Variants in RBMS3 observed in about 807,000 individuals in gnomAD.
The protein encoded by RBMS3 is RNA binding motif single stranded interacting protein 3.
In RBMS3, 27 loss-of-function variants were observed where a neutral mutation model predicts 66.8. The ratio of observed to expected loss-of-function variants is 0.40; its 90% confidence interval spans 0.30 to 0.56. The LOEUF is 0.56. Ranked by LOEUF, RBMS3 falls within the 20% of genes least tolerant of loss-of-function variation. The probability of loss-of-function intolerance (pLI) is 0.40; values close to 1 mark genes in which losing one functional copy is unlikely to be tolerated. For missense variants in RBMS3, 513 were observed against 549.5 expected (o/e 0.93, Z 0.66); for synonymous variants, 188 against 183.0 (o/e 1.03, Z -0.22).
At chr3:29,682,078 T>A (rs1048322190) in intron 4 of RBMS3, among the ~76,000 whole-genome samples, 1 of 152,200 alleles carries the variant, frequency 6.6e-6, no homozygotes, top group Non-Finnish European at 1.5e-5. Flanking sequence ...TCTCAATGGA[T>A]CCACAACTTT....
chr3:29,387,625 G>C (rs533197579), intron 1 of RBMS3, among the ~76,000 whole-genome samples: 1 of 152,002 alleles, frequency 6.6e-6, no homozygotes, highest in Admixed American at 6.6e-5. Context: ...ATAGATGGCC[G>C]GGCGCGGTGG....
At chr3:29,677,859 G>A (rs1365878455) in intron 4 of RBMS3, among the ~76,000 whole-genome samples, 1 of 152,146 alleles carries the variant, frequency 6.6e-6, no homozygotes, top group African/African-American at 2.4e-5. Flanking sequence ...CAGAATGTGA[G>A]TCAGACAAGC....
intron 4 of RBMS3, among the ~76,000 whole-genome samples, chr3:29,604,799 GCAGTTAGTGAT>G (rs761767432): frequency 1.3e-5 from 2 of 151,872 alleles, no homozygotes; most frequent in South Asian, 4.1e-4. Flanking sequence ...GTAGATCTTA[GCAGTTAGTGAT>G]CATTAGTTTT....
chr3:29,421,509 A>G (rs73042550), intron 1 of RBMS3, among the ~76,000 whole-genome samples: 3,916 of 152,298 alleles, frequency 0.026, 69 homozygotes, highest in East Asian at 0.04. Context: ...ATGGATATTT[A>G]GTAGTTGGTG....
chr3:29,864,333 A>G (rs773767387), intron 6 of RBMS3, among the ~76,000 whole-genome samples: 1 of 152,202 alleles, frequency 6.6e-6, no homozygotes, highest in Non-Finnish European at 1.5e-5. Flanking sequence ...TAATAATAAC[A>G]TAACATGCAT....
intron 4 of RBMS3, among the ~76,000 whole-genome samples, chr3:29,685,022 A>G (rs1196874009): frequency 2.7e-5 from 4 of 150,882 alleles, no homozygotes; most frequent in Admixed American, 2.7e-4. Flanking sequence ...CAGGGGTAAA[A>G]CAGTTTCCGG....
intron 1 of RBMS3, among the ~76,000 whole-genome samples, chr3:29,325,713 C>T (rs1205452236): frequency 6.6e-6 from 1 of 151,936 alleles, no homozygotes; most frequent in Admixed American, 6.6e-5. Context: ...GTTATCCAAA[C>T]TCACAGGTGT....
intron 4 of RBMS3, among the ~76,000 whole-genome samples, chr3:29,635,422 G>A (rs563477118): frequency 3.0e-4 from 45 of 151,860 alleles, no homozygotes; most frequent in African/African-American, 1.0e-3. Context: ...TACCCTGACC[G>A]AATCCATTAG....
chr3:29,886,849 C>A (rs557473272), intron 8 of RBMS3, among the ~76,000 whole-genome samples: 1 of 151,464 alleles, frequency 6.6e-6, no homozygotes, highest in South Asian at 2.1e-4. Context: ...CTGGAGTGGC[C>A]AATGTATGAA....
At position 29,579,456 on chromosome 3, in the gene RBMS3, A is replaced by AG. The variant is rs1258280454; in HGVS notation, c.308-7653dup. ...TCTACCCATCTGTAAGTCTAGAGCA[A>AG]GGGGGAGGGAAGAATGGGACAGCCA... On this transcript the variant is annotated intron_variant, in intron 3 of 14. Transcript: ENST00000383767. 3.3e-5 allele frequency among the ~76,000 whole-genome samples: 5 copies of AG among 152,268 alleles called. No homozygotes were observed. In the East Asian group the frequency reaches 9.7e-4, roughly 29 times the overall value.
chr3:29,595,042 T>G (rs1477364040), intron 4 of RBMS3, among the ~76,000 whole-genome samples: 1 of 152,170 alleles, frequency 6.6e-6, no homozygotes, highest in Non-Finnish European at 1.5e-5. Flanking sequence ...CTGGGATCCC[T>G]ACTAGTTGAC....
intron 4 of RBMS3, chr3:29,730,788 C>T (rs762300058): frequency 4.6e-5 from 39 of 844,492 alleles, no homozygotes; most frequent in South Asian, 1.1e-4. Flanking sequence ...ATCAGGACCA[C>T]GAGTACAAAA....
chr3:29,753,215 T>C (rs1352906080), intron 5 of RBMS3, among the ~76,000 whole-genome samples: 1 of 152,142 alleles, frequency 6.6e-6, no homozygotes, highest in Admixed American at 6.5e-5. Context: ...GGGACTAATG[T>C]TTACATATGT....
At chr3:29,836,869 G>A (rs2058522665) in intron 6 of RBMS3, among the ~76,000 whole-genome samples, 1 of 151,542 alleles carries the variant, frequency 6.6e-6, no homozygotes, top group African/African-American at 2.4e-5. Flanking sequence ...CCTCAGTAAA[G>A]CTGGGGTGGG....
intron 2 of RBMS3, among the ~76,000 whole-genome samples, chr3:29,461,920 ATTTTTTTTTTTTTTTTT>A (rs61115023): frequency 4.3e-5 from 4 of 93,302 alleles, no homozygotes; most frequent in Non-Finnish European, 6.0e-5. Context: ...TGCCCGGCTA[ATTTTTTTTTTTTTTTTT>A]TTTTTTTTTT....
At chr3:29,930,695 AAAT>A (rs2061096431) in intron 10 of RBMS3, among the ~76,000 whole-genome samples, 1 of 151,872 alleles carries the variant, frequency 6.6e-6, no homozygotes, top group Non-Finnish European at 1.5e-5. Context: ...AGAACAAATG[AAAT>A]ATGTACATAT....
chr3:29,726,781 C>T (rs1043424768), intron 4 of RBMS3, among the ~76,000 whole-genome samples: 14 of 152,066 alleles, frequency 9.2e-5, no homozygotes, highest in Non-Finnish European at 1.6e-4. Flanking sequence ...TGAAAATGGC[C>T]ATACTGCCCA....
intron 4 of RBMS3, among the ~76,000 whole-genome samples, chr3:29,604,580 G>A (rs370702450): frequency 1.3e-5 from 2 of 152,018 alleles, no homozygotes; most frequent in South Asian, 2.1e-4. Context: ...ACTAAATGTC[G>A]TGGGAAAGAA....
intron 7 of RBMS3, among the ~76,000 whole-genome samples, chr3:29,879,095 A>T (rs1343009516): frequency 6.6e-6 from 1 of 152,134 alleles, no homozygotes; most frequent in Non-Finnish European, 1.5e-5. Flanking sequence ...AAGGCAAAAA[A>T]AAAAGTTATT....
Sources: gnomAD v4.1 joint callset for allele counts (sites outside exome capture counted in the v4.1 genomes callset) on GRCh38, gnomAD v4.1.1 for gene constraint, MANE v1.5 for transcripts, NCBI Gene and HGNC (gene_info 2026-07-23, HGNC 2026-07-21) for gene names.